RBPMS: variants seen among roughly 807,000 people sequenced by gnomAD.
The protein encoded by RBPMS is RNA-binding protein with multiple splicing.
Under a neutral mutation model 26.8 loss-of-function variants are expected in RBPMS, and 7 were observed. The observed-to-expected ratio is 0.26, with a 90% CI of 0.15 to 0.49. The LOEUF is 0.49. Ranked by LOEUF, RBPMS falls within the 20% of genes least tolerant of loss-of-function variation. RBPMS has a pLI of 0.98. For synonymous variants in RBPMS, 96 were observed against 93.3 expected (o/e 1.03, Z -0.17); for missense variants, 186 against 250.0 (o/e 0.74, Z 1.73).
chr8:30,543,652 C>T (rs1280218887), intron 5 of RBPMS, among the ~76,000 whole-genome samples: 3 of 152,112 alleles, frequency 2.0e-5, no homozygotes, highest in Non-Finnish European at 4.4e-5. Flanking sequence ...CTGAGAAGCT[C>T]CCTCATGTGT....
intron 1 of RBPMS, among the ~76,000 whole-genome samples, chr8:30,437,967 A>G (rs1159316452): frequency 1.3e-5 from 2 of 148,220 alleles, no homozygotes; most frequent in East Asian, 2.0e-4. Flanking sequence ...TCAAAAAAAG[A>G]AAAAAAAAAA....
At chr8:30,387,392 T>G (rs944262848) in intron 1 of RBPMS, 1 of 152,222 alleles carries the variant, frequency 6.6e-6, no homozygotes, top group Non-Finnish European at 1.5e-5. Flanking sequence ...ACCTCTTTTT[T>G]GTTTTTTTCT....
In RBPMS at chr8:30,460,402, A is replaced by AT. The variant is rs200293481; in HGVS notation, c.67-14370dup. The stretch of plus-strand genomic sequence containing the variant: ...GGTGTTTTAAATAGTGGCTGGATGG[A>AT]TTTTTTTCTGTAGAAACAGTTTTAG... On this transcript the variant is annotated intron_variant, in intron 1 of 8. Transcript: ENST00000397323. Among the ~76,000 whole-genome samples, 54 of 152,228 alleles carry AT rather than the reference A, an allele frequency of 3.5e-4. No individual in the cohort carries two copies. In the East Asian group the frequency reaches 4.6e-3, roughly 13 times the overall value.
intron 5 of RBPMS, among the ~76,000 whole-genome samples, chr8:30,519,677 T>G (rs1455262638): frequency 6.6e-6 from 1 of 152,002 alleles, no homozygotes; most frequent in Admixed American, 6.6e-5. Flanking sequence ...TTTTGTATTT[T>G]TAGTAGAGAT....
chr8:30,439,668 T>C (rs976271853), intron 1 of RBPMS, among the ~76,000 whole-genome samples: 1 of 152,262 alleles, frequency 6.6e-6, no homozygotes, highest in African/African-American at 2.4e-5. Flanking sequence ...GTTTTGTTTT[T>C]GTTTTGAGAA....
chr8:30,464,421 C>T (rs758195784), intron 1 of RBPMS, among the ~76,000 whole-genome samples: 11 of 152,108 alleles, frequency 7.2e-5, no homozygotes, highest in Non-Finnish European at 1.5e-4. Context: ...TAAACCTCCC[C>T]CCACCCCAGC....
intron 5 of RBPMS, among the ~76,000 whole-genome samples, chr8:30,543,200 A>T (rs1445491666): frequency 6.6e-6 from 1 of 152,194 alleles, no homozygotes; most frequent in African/African-American, 2.4e-5. Flanking sequence ...CTGACTCCCT[A>T]CCATCCTGAG....
Position 30,385,062 on chromosome 8 carries a change from C to G in RBPMS, c.-31C>G, listed in dbSNP as rs748011806. 5 of 1,494,650 alleles carry G rather than the reference C, an allele frequency of 3.3e-6. No homozygotes were observed. The highest frequency in any genetic ancestry group is 1.8e-6 in the Non-Finnish European group (2 of 1,120,168). 92.6% of individuals were successfully genotyped at this position (1,494,650 alleles called of 1,614,324 possible). On this transcript the variant is annotated 5_prime_UTR_variant, in exon 1 of 9. Transcript: ENST00000397323. Reference sequence around the variant, plus strand: ...CCTCGCCCAGCCCCGCGCCCCAGCCCTGCCCGGCCCGGCGAGGAAGGACCG... The same window carrying G: ...CCTCGCCCAGCCCCGCGCCCCAGCCGTGCCCGGCCCGGCGAGGAAGGACCG...
At chr8:30,548,264 A>ACTTCC (rs1395500507) in intron 6 of RBPMS, among the ~76,000 whole-genome samples, 1 of 152,184 alleles carries the variant, frequency 6.6e-6, no homozygotes, top group Middle Eastern at 3.2e-3. Flanking sequence ...ACATTCACAC[A>ACTTCC]CTTCCGCCTC....
intron 5 of RBPMS, 65 bp downstream of exon 5, chr8:30,504,501 A>AG: frequency 6.6e-7 from 1 of 1,504,562 alleles, no homozygotes; most frequent in Non-Finnish European, 9.2e-7. Context: ...GCTGCATGTG[A>AG]GGTTACACCA....
chr8:30,385,470 C>G, intron 1 of RBPMS: 1 of 253,894 alleles, frequency 3.9e-6, no homozygotes, highest in Non-Finnish European at 7.4e-6. Context: ...CTCAGATAAT[C>G]GGGACTCGGA....
chr8:30,474,672 G>A (rs1585589570), intron 1 of RBPMS, 107 bp from the exon 2 acceptor site: 5 of 682,888 alleles, frequency 7.3e-6, no homozygotes, highest in East Asian at 2.6e-5. Flanking sequence ...CATGAATTTA[G>A]TATGAGTTGT....
intron 5 of RBPMS, 127 bp downstream of exon 5, chr8:30,504,563 C>T (rs1457900039): frequency 2.1e-5 from 19 of 904,050 alleles, no homozygotes; most frequent in African/African-American, 3.4e-5. Flanking sequence ...AAGAGGTTGC[C>T]TAGGCGTTCT....
Position 30,571,371 on chromosome 8 carries a change from T to C in RBPMS, c.*846T>C, listed in dbSNP as rs1423099677. On this transcript the variant is annotated 3_prime_UTR_variant, in exon 9 of 9. Coordinates refer to ENST00000397323, the MANE Select transcript of RBPMS (RefSeq NM_001008710.3). ...TTATGTTTCCACTCTCCTGTATGTGTAGCCACTCGATGCCTAACCTACCTT... is the reference window on the plus strand; with the variant it reads ...TTATGTTTCCACTCTCCTGTATGTGCAGCCACTCGATGCCTAACCTACCTT... 6.6e-6 allele frequency: 1 copy of C among 152,286 alleles called. No homozygotes were observed. Among genetic ancestry groups the C allele is most frequent in the African/African-American group, 2.4e-5 (1 of 41,476 alleles). The allele number at this position is 152,286 out of a possible 1,614,324, so 9.4% of individuals were successfully genotyped here. A position where few individuals can be genotyped will look rare whatever the true frequency, so the allele number is the denominator to read the frequency against.
At chr8:30,456,132 A>G (rs1331634413) in intron 1 of RBPMS, among the ~76,000 whole-genome samples, 1 of 152,180 alleles carries the variant, frequency 6.6e-6, no homozygotes, top group African/African-American at 2.4e-5. Context: ...TTCAAAAACT[A>G]GATGTGTGTC....
intron 7 of RBPMS, chr8:30,565,296 C>A (rs1486667522): frequency 6.6e-6 from 1 of 152,234 alleles, no homozygotes; most frequent in Non-Finnish European, 1.5e-5. Flanking sequence ...CACACGCAGT[C>A]CCCTCTCCCT....
chr8:30,501,690 C>G (rs772091628), intron 4 of RBPMS, among the ~76,000 whole-genome samples: 68 of 152,270 alleles, frequency 4.5e-4, no homozygotes, highest in African/African-American at 1.4e-3. Context: ...GTTCTCTGTT[C>G]ATTGTGAGAA....
chr8:30,549,826 CTTTTCTT>C (rs1388806812), intron 6 of RBPMS, among the ~76,000 whole-genome samples: 1,574 of 123,374 alleles, frequency 0.013, 41 homozygotes, highest in African/African-American at 0.048. Flanking sequence ...CTCTCTCTCT[CTTTTCTT>C]TCTTTTCTTT....
Position 30,452,712 on chromosome 8 carries a change from AT to A in RBPMS, c.67-22065del, listed in dbSNP as rs1032919466. On this transcript the variant is annotated intron_variant, in intron 1 of 8. Transcript: ENST00000397323. ...TGCCAATTGCTGAGTTGCTGATAGTATTCTCTACTGCAGGGGATATACCAGG... is the reference window on the plus strand; with the variant it reads ...TGCCAATTGCTGAGTTGCTGATAGTATCTCTACTGCAGGGGATATACCAGG... 2.8e-3 allele frequency among the ~76,000 whole-genome samples: 434 copies of A among 152,290 alleles called. 2 individuals are homozygous for A. The highest frequency in any genetic ancestry group is 9.8e-3 in the African/African-American group (407 of 41,556).
Sources: allele counts gnomAD v4.1 joint callset (sites outside exome capture counted in the v4.1 genomes callset), GRCh38; gene constraint gnomAD v4.1.1; transcripts MANE v1.5; gene names NCBI Gene and HGNC (gene_info 2026-07-23, HGNC 2026-07-21).